CDKAL1: variants seen among roughly 807,000 people sequenced by gnomAD.
The protein encoded by CDKAL1 is threonylcarbamoyladenosine tRNA methylthiotransferase.
Under a neutral mutation model 68.2 loss-of-function variants are expected in CDKAL1, and 32 were observed. That is an observed-to-expected ratio of 0.47 (90% CI 0.35 to 0.63). The LOEUF (loss-of-function observed/expected upper bound fraction) is 0.63, where lower values mean the gene tolerates loss of function less well. Ranked by LOEUF, CDKAL1 falls within the 30% of genes least tolerant of loss-of-function variation. The pLI, the probability that CDKAL1 is intolerant of heterozygous loss-of-function variation, is 0.00. For synonymous variants in CDKAL1, 234 were observed against 244.3 expected (o/e 0.96, Z 0.39); for missense variants, 606 against 696.7 (o/e 0.87, Z 1.47).
At chr6:21,191,622 T>C (rs1363596849) in intron 13 of CDKAL1, among the ~76,000 whole-genome samples, 1 of 152,188 alleles carries the variant, frequency 6.6e-6, no homozygotes, top group African/African-American at 2.4e-5. Context: ...CCACTGCCAC[T>C]GAGCAAATCA....
intron 8 of CDKAL1, among the ~76,000 whole-genome samples, chr6:20,830,067 G>A (rs932919387): frequency 7.2e-5 from 11 of 152,094 alleles, no homozygotes; most frequent in African/African-American, 1.2e-4. Context: ...TGTTGCCCAG[G>A]CTGGTCTTGA....
At chr6:20,867,083 C>T (rs1024535595) in intron 9 of CDKAL1, among the ~76,000 whole-genome samples, 1 of 152,132 alleles carries the variant, frequency 6.6e-6, no homozygotes, top group Non-Finnish European at 1.5e-5. Flanking sequence ...ATTTGAATTT[C>T]CTGAGGCTTC....
At chr6:20,985,131 G>A (rs1766383922) in intron 10 of CDKAL1, among the ~76,000 whole-genome samples, 1 of 152,104 alleles carries the variant, frequency 6.6e-6, no homozygotes, top group Non-Finnish European at 1.5e-5. Flanking sequence ...CATATTTATA[G>A]GGTACAGTTT....
chr6:20,913,164 CA>C (rs1193677613), intron 9 of CDKAL1, among the ~76,000 whole-genome samples: 1 of 142,366 alleles, frequency 7.0e-6, no homozygotes, highest in Non-Finnish European at 1.6e-5. Context: ...CACACATTAC[CA>C]CAAATGTAGA....
intron 15 of CDKAL1, among the ~76,000 whole-genome samples, chr6:21,220,742 G>C (rs887314689): frequency 2.0e-5 from 3 of 152,206 alleles, no homozygotes; most frequent in Non-Finnish European, 4.4e-5. Context: ...CAGCTGGAGT[G>C]TCGAGAATGC....
intron 13 of CDKAL1, among the ~76,000 whole-genome samples, chr6:21,192,014 T>C (rs1299706763): frequency 5.8e-5 from 5 of 86,696 alleles, no homozygotes; most frequent in Non-Finnish European, 1.2e-4. Context: ...TTTTTTTTTT[T>C]TTTTTTTTTT....
intron 5 of CDKAL1, among the ~76,000 whole-genome samples, chr6:20,719,252 T>TG (rs1213136561): frequency 6.6e-6 from 1 of 152,250 alleles, no homozygotes; most frequent in Non-Finnish European, 1.5e-5. Flanking sequence ...GTCTTCTCAA[T>TG]GGTTTTAACT....
intron 9 of CDKAL1, among the ~76,000 whole-genome samples, chr6:20,890,134 C>A (rs946549340): frequency 6.6e-5 from 10 of 152,160 alleles, no homozygotes; most frequent in Non-Finnish European, 1.3e-4. Context: ...TCCTGAGCTT[C>A]GAAGATGATA....
At chr6:21,089,205 G>C (rs1240530178) in intron 12 of CDKAL1, among the ~76,000 whole-genome samples, 1 of 152,084 alleles carries the variant, frequency 6.6e-6, no homozygotes, top group East Asian at 1.9e-4. Flanking sequence ...GACGGGTGTG[G>C]TGGCTGATGC....
intron 9 of CDKAL1, among the ~76,000 whole-genome samples, chr6:20,901,658 G>GCAA (rs1761976626): frequency 7.6e-6 from 1 of 131,690 alleles, no homozygotes; most frequent in Non-Finnish European, 1.6e-5. Flanking sequence ...TCCAGCCTGG[G>GCAA]CAAGAGTGCG....
At chr6:20,914,436 T>C (rs1762628000) in intron 9 of CDKAL1, among the ~76,000 whole-genome samples, 1 of 152,234 alleles carries the variant, frequency 6.6e-6, no homozygotes, top group Non-Finnish European at 1.5e-5. Flanking sequence ...GGTTTTTTTT[T>C]CATGAGAATT....
chr6:20,854,885 G>C (rs1487686498), intron 9 of CDKAL1, among the ~76,000 whole-genome samples: 2 of 152,194 alleles, frequency 1.3e-5, no homozygotes, highest in Non-Finnish European at 2.9e-5. Context: ...AGAATAGAAA[G>C]TCCAAAACTT....
intron 5 of CDKAL1, among the ~76,000 whole-genome samples, chr6:20,733,556 G>T (rs553232405): frequency 3.3e-5 from 5 of 152,340 alleles, no homozygotes; most frequent in African/African-American, 9.6e-5. Context: ...TATAACAAAA[G>T]TTCCCACCCA....
At chr6:20,754,008 C>A (rs1250955926) in intron 6 of CDKAL1, among the ~76,000 whole-genome samples, 1 of 149,430 alleles carries the variant, frequency 6.7e-6, no homozygotes, top group African/African-American at 2.4e-5. Context: ...GAGACAGGGT[C>A]TCACTCTGTC....
chr6:20,551,616 C>T lies in CDKAL1; in HGVS notation c.286+2911C>T, dbSNP rs575020101. ...CGATCCCTTGACCTCGTGATCCACCCGCCTCGGCCTCCCCAAGTGCTAGGA... is the reference window on the plus strand; with the variant it reads ...CGATCCCTTGACCTCGTGATCCACCTGCCTCGGCCTCCCCAAGTGCTAGGA... On this transcript the variant is annotated intron_variant, in intron 4 of 15. Coordinates refer to ENST00000274695, the MANE Select transcript of CDKAL1 (RefSeq NM_017774.3). Among the ~76,000 whole-genome samples the T allele has an allele frequency of 7.6e-4, 115 of 152,152 alleles. 1 individual carries two copies. The highest frequency in any genetic ancestry group is 2.2e-3 in the African/African-American group (90 of 41,484).
At chr6:20,691,926 A>G (rs1770888373) in intron 5 of CDKAL1, among the ~76,000 whole-genome samples, 2 of 152,096 alleles carry the variant, frequency 1.3e-5, no homozygotes, top group Admixed American at 6.5e-5. Flanking sequence ...TTTCTACAGT[A>G]AAGTATGTAT....
In CDKAL1 at chr6:20,846,300, G is replaced by A. The variant is rs1778373087; in HGVS notation, c.742+122G>A. ...TTTCTGAAGAGTTTTACAAATATAC[G>A]AACTTAATTAATAAAAGATGTGACC... On this transcript the variant is annotated intron_variant, in intron 9 of 15. Coordinates refer to ENST00000274695, the MANE Select transcript of CDKAL1 (RefSeq NM_017774.3). 9 of 589,036 alleles carry A rather than the reference G, an allele frequency of 1.5e-5. No individual in the cohort carries two copies. The South Asian group carries it at 1.8e-4, about 12-fold the overall frequency. 36.5% of individuals were successfully genotyped at this position (589,036 alleles called of 1,614,324 possible).
At chr6:20,639,762 C>T (rs1768079869) in intron 4 of CDKAL1, among the ~76,000 whole-genome samples, 1 of 152,184 alleles carries the variant, frequency 6.6e-6, no homozygotes. Context: ...CCTCCGCCTC[C>T]CATGTTCAAG....
chr6:20,928,578 TGA>T (rs1763283312), intron 9 of CDKAL1, among the ~76,000 whole-genome samples: 1 of 152,162 alleles, frequency 6.6e-6, no homozygotes, highest in Non-Finnish European at 1.5e-5. Flanking sequence ...ATGAAGAATC[TGA>T]GATCTGACAA....
Sources: gnomAD v4.1 joint callset for allele counts (sites outside exome capture counted in the v4.1 genomes callset) on GRCh38, gnomAD v4.1.1 for gene constraint, MANE v1.5 for transcripts, NCBI Gene and HGNC (gene_info 2026-07-23, HGNC 2026-07-21) for gene names.